Variants in TRAPPC9 observed in about 807,000 individuals in gnomAD.
TRAPPC9 encodes trafficking protein particle complex subunit 9, also known as IKK2 binding protein.
In TRAPPC9, 83 loss-of-function variants were observed where a neutral mutation model predicts 124.0. The ratio of observed to expected loss-of-function variants is 0.67; its 90% CI spans 0.56 to 0.80. The LOEUF (loss-of-function observed/expected upper bound fraction) is 0.80. Among genes scored for constraint, TRAPPC9 ranks in the 30% least tolerant of loss-of-function variants. The pLI is 0.00. For missense variants in TRAPPC9, 1,302 were observed against 1,508.3 expected (o/e 0.86, Z 2.27); for synonymous variants, 638 against 617.5 (o/e 1.03, Z -0.49).
chr8:140,270,998 G>A (rs781099778), intron 15 of TRAPPC9, among the ~76,000 whole-genome samples: 31 of 152,312 alleles, frequency 2.0e-4, no homozygotes, highest in Non-Finnish European at 4.0e-4. Context: ...ATGGGCACAC[G>A]ATTACCACAG....
chr8:140,050,258 T>C (rs749827903), intron 17 of TRAPPC9, among the ~76,000 whole-genome samples: 40 of 152,228 alleles, frequency 2.6e-4, no homozygotes, highest in Non-Finnish European at 2.6e-4. Flanking sequence ...AGAGGATTCA[T>C]TTGAACTTCC....
intron 19 of TRAPPC9, among the ~76,000 whole-genome samples, chr8:139,923,720 G>C (rs940561888): frequency 2.0e-5 from 3 of 152,180 alleles, no homozygotes; most frequent in African/African-American, 7.2e-5. Flanking sequence ...CAATGCCTCA[G>C]ACATAGCAGG....
At chr8:140,387,287 G>A (rs888814026) in intron 7 of TRAPPC9, among the ~76,000 whole-genome samples, 4 of 152,024 alleles carry the variant, frequency 2.6e-5, no homozygotes, top group Admixed American at 6.6e-5. Context: ...GAAAACCTAG[G>A]CAATACCATT....
At chr8:140,005,705 C>T (rs915107157) in intron 18 of TRAPPC9, among the ~76,000 whole-genome samples, 1 of 151,962 alleles carries the variant, frequency 6.6e-6, no homozygotes, top group African/African-American at 2.4e-5. Context: ...AGAACTGGAA[C>T]TTGACCTACA....
chr8:140,193,622 G>GA (rs72383095), intron 17 of TRAPPC9, among the ~76,000 whole-genome samples: 7,427 of 77,248 alleles, frequency 0.096, 605 homozygotes, highest in African/African-American at 0.2. Flanking sequence ...TGTACTTTCA[G>GA]AAAAAAAAAA....
intron 21 of TRAPPC9, among the ~76,000 whole-genome samples, chr8:139,749,942 A>G (rs1586758550): frequency 6.6e-6 from 1 of 151,760 alleles, no homozygotes; most frequent in Admixed American, 6.6e-5. Context: ...GGGCCCAGAC[A>G]CTCCCTCTGT....
chr8:139,818,141 G>A (rs184473317), intron 21 of TRAPPC9, among the ~76,000 whole-genome samples: 3 of 152,314 alleles, frequency 2.0e-5, no homozygotes, highest in Non-Finnish European at 2.9e-5. Flanking sequence ...GACTGACCTC[G>A]GGGCTTTCTG....
In TRAPPC9 at chr8:140,336,867, T is replaced by C. The variant is rs2067056513; in HGVS notation, c.1495+23183A>G. 3.3e-5 allele frequency among the ~76,000 whole-genome samples: 5 copies of C among 151,798 alleles called. No homozygotes were observed. In the South Asian group the frequency reaches 1.0e-3, roughly 32 times the overall value. On this transcript the variant is annotated intron_variant, in intron 9 of 22. Coordinates refer to ENST00000438773, the MANE Select transcript of TRAPPC9 (RefSeq NM_001160372.4). ...AAGACGAATTCCACATGTGATAAAC[T>C]CAAGCATTAGAATGAGTCTTCCAGG...
chr8:139,758,828 G>A (rs563140401), intron 21 of TRAPPC9, among the ~76,000 whole-genome samples: 181 of 152,306 alleles, frequency 1.2e-3, no homozygotes, highest in African/African-American at 4.3e-3. Context: ...TATGGGAATC[G>A]CTCCAAGTCC....
At chr8:140,180,423 G>C (rs962780451) in intron 17 of TRAPPC9, among the ~76,000 whole-genome samples, 56 of 151,648 alleles carry the variant, frequency 3.7e-4, no homozygotes, top group African/African-American at 1.3e-3. Flanking sequence ...GGAGGTTTTT[G>C]CTTAAAATGT....
chr8:139,839,536 G>A (rs1277201915), intron 21 of TRAPPC9, among the ~76,000 whole-genome samples: 1 of 152,206 alleles, frequency 6.6e-6, no homozygotes, highest in African/African-American at 2.4e-5. Context: ...TAGACAGTAG[G>A]GTCAATGATT....
chr8:139,953,367 C>T (rs1447738019), intron 19 of TRAPPC9, among the ~76,000 whole-genome samples: 2 of 152,168 alleles, frequency 1.3e-5, no homozygotes, highest in Non-Finnish European at 1.5e-5. Flanking sequence ...GGGGCGCACA[C>T]CTATAATCTC....
chr8:139,904,201 C>T (rs941147571), intron 20 of TRAPPC9, among the ~76,000 whole-genome samples: 14 of 152,188 alleles, frequency 9.2e-5, no homozygotes, highest in African/African-American at 3.4e-4. Flanking sequence ...AGGATTCCAC[C>T]TGACCTCAAG....
At chr8:140,076,382 G>A (rs1843511099) in intron 17 of TRAPPC9, among the ~76,000 whole-genome samples, 1 of 152,204 alleles carries the variant, frequency 6.6e-6, no homozygotes, top group Non-Finnish European at 1.5e-5. Context: ...CTGCATCCTT[G>A]CTTTACAACT....
chr8:139,826,274 G>C (rs1020130824), intron 21 of TRAPPC9, among the ~76,000 whole-genome samples: 3 of 152,340 alleles, frequency 2.0e-5, no homozygotes, highest in African/African-American at 4.8e-5. Context: ...GTGACTGATC[G>C]GAGGGGCGCT....
intron 20 of TRAPPC9, among the ~76,000 whole-genome samples, chr8:139,899,094 T>C (rs1243146183): frequency 9.8e-6 from 1 of 101,936 alleles, no homozygotes; most frequent in Non-Finnish European, 1.8e-5. Flanking sequence ...CACTCCAGCC[T>C]GGGAAACAAG....
Position 140,351,496 on chromosome 8 carries a change from T to C in TRAPPC9, c.1495+8554A>G, listed in dbSNP as rs111945431. The stretch of plus-strand genomic sequence containing the variant: ...CTTAAACCATATAGGAGGCTGGGTG[T>C]GGTGGCTCATGCCTGTAATTCCAAC... On this transcript the variant is annotated intron_variant, in intron 9 of 22. Coordinates refer to ENST00000438773, the MANE Select transcript of TRAPPC9 (RefSeq NM_001160372.4). 8.6e-3 allele frequency among the ~76,000 whole-genome samples: 1,304 copies of C among 152,114 alleles called. 18 individuals are homozygous for C. The highest frequency in any genetic ancestry group is 0.029 in the African/African-American group (1,208 of 41,492).
chr8:140,196,116 A>G (rs573772316), intron 17 of TRAPPC9, among the ~76,000 whole-genome samples: 1 of 82,330 alleles, frequency 1.2e-5, no homozygotes, highest in South Asian at 3.3e-4. Context: ...CATACAGATC[A>G]CACCTGTGAC....
intron 17 of TRAPPC9, among the ~76,000 whole-genome samples, 182 bp from the exon 18 acceptor site, chr8:140,024,261 C>A (rs1480794922): frequency 6.6e-6 from 1 of 152,110 alleles, no homozygotes; most frequent in Non-Finnish European, 1.5e-5. Context: ...CGGGGACCGA[C>A]TCACACCCCC....
Sources: allele counts gnomAD v4.1 joint callset (sites outside exome capture counted in the v4.1 genomes callset), GRCh38; gene constraint gnomAD v4.1.1; transcripts MANE v1.5; gene names NCBI Gene and HGNC (gene_info 2026-07-23, HGNC 2026-07-21).